MROH9: variants seen among roughly 807,000 people sequenced by gnomAD.
The protein encoded by MROH9 is maestro heat-like repeat-containing protein family member 9.
A neutral mutation model predicts 98.2 loss-of-function variants in MROH9; 92 were observed. The observed-to-expected ratio is 0.94, with a 90% confidence interval of 0.79 to 1.11. MROH9 has a LOEUF of 1.11. Among genes scored for constraint, MROH9 ranks in the 50% most tolerant of loss-of-function variants. MROH9 has a pLI of 0.00. For missense variants in MROH9, 1,057 were observed against 1,014.8 expected, an observed-to-expected ratio of 1.04 and a Z score of -0.57; for synonymous variants, 397 against 368.9, an observed-to-expected ratio of 1.08 and a Z score of -0.87.
chr1:170,943,313 A>G (rs1319700856), intron 1 of MROH9, among the ~76,000 whole-genome samples: 2 of 152,100 alleles, frequency 1.3e-5, no homozygotes, highest in Non-Finnish European at 2.9e-5. Flanking sequence ...CAATGTTGGA[A>G]ACAGTGCAAA....
At chr1:171,012,500 T>A (rs987986353) in intron 15 of MROH9, among the ~76,000 whole-genome samples, 4 of 70,780 alleles carry the variant, frequency 5.7e-5, no homozygotes, top group South Asian at 3.8e-4. Flanking sequence ...AAAACTGTCA[T>A]TTTTTTTTTT....
intron 20 of MROH9, among the ~76,000 whole-genome samples, chr1:171,046,636 AGTT>A (rs1190244379): frequency 4.6e-5 from 7 of 152,132 alleles, no homozygotes; most frequent in South Asian, 2.1e-4. Context: ...GAAAAGTTGT[AGTT>A]ATTATTATTG....
At chr1:171,063,252 ATTTT>A (rs11385110) in intron 21 of MROH9, among the ~76,000 whole-genome samples, 14 of 124,942 alleles carry the variant, frequency 1.1e-4, no homozygotes, top group African/African-American at 3.6e-4. Flanking sequence ...ATTATCCCGG[ATTTT>A]TTTTTTTTTT....
chr1:171,023,703 A>G (rs1652594534), intron 17 of MROH9, among the ~76,000 whole-genome samples: 1 of 152,208 alleles, frequency 6.6e-6, no homozygotes, highest in Non-Finnish European at 1.5e-5. Context: ...AAATGATTAA[A>G]TCAAACAAAA....
At chr1:171,017,344 G>A (rs1247282608) in intron 17 of MROH9, among the ~76,000 whole-genome samples, 1 of 152,224 alleles carries the variant, frequency 6.6e-6, no homozygotes, top group Non-Finnish European at 1.5e-5. Context: ...AGCCACACGG[G>A]CCAGGGGAGC....
At chr1:171,000,027 ATTAC>A (rs1438713922) in intron 15 of MROH9, among the ~76,000 whole-genome samples, 1 of 151,342 alleles carries the variant, frequency 6.6e-6, no homozygotes, top group Non-Finnish European at 1.5e-5. Flanking sequence ...TTTTGATGGG[ATTAC>A]TTGTTTTTTT....
chr1:171,028,762 C>T (rs923285639), intron 20 of MROH9, among the ~76,000 whole-genome samples: 2 of 152,052 alleles, frequency 1.3e-5, no homozygotes, highest in African/African-American at 2.4e-5. Flanking sequence ...TAGCTGTATT[C>T]CTAGATTTTA....
chr1:171,010,879 C>T (rs1652126827), intron 15 of MROH9, among the ~76,000 whole-genome samples: 1 of 152,014 alleles, frequency 6.6e-6, no homozygotes, highest in Non-Finnish European at 1.5e-5. Context: ...AAAAATTTCT[C>T]CCATTCTGTA....
intron 20 of MROH9, among the ~76,000 whole-genome samples, chr1:171,048,842 A>C (rs1307810828): frequency 6.6e-6 from 1 of 152,194 alleles, no homozygotes; most frequent in Non-Finnish European, 1.5e-5. Flanking sequence ...TCAAGGACCA[A>C]GGGCTCTTCA....
chr1:171,044,705 C>T (rs1389626776), intron 20 of MROH9, among the ~76,000 whole-genome samples: 5 of 151,980 alleles, frequency 3.3e-5, no homozygotes, highest in Non-Finnish European at 5.9e-5. Flanking sequence ...TTGCATGTAT[C>T]TAGGAATTTG....
intron 20 of MROH9, among the ~76,000 whole-genome samples, chr1:171,027,149 A>G (rs1484339488): frequency 6.6e-6 from 1 of 151,660 alleles, no homozygotes; most frequent in African/African-American, 2.4e-5. Flanking sequence ...ATAGCTATAC[A>G]TGTGCCATGG....
chr1:170,994,611 C>A (rs895680674), intron 12 of MROH9, among the ~76,000 whole-genome samples: 5 of 151,788 alleles, frequency 3.3e-5, no homozygotes, highest in African/African-American at 1.2e-4. Flanking sequence ...GAATTATAAA[C>A]AATCCAATTA....
chr1:171,003,269 A>T (rs1651843876), intron 15 of MROH9, among the ~76,000 whole-genome samples: 1 of 152,076 alleles, frequency 6.6e-6, no homozygotes, highest in Admixed American at 6.6e-5. Context: ...CTTGGTTTGG[A>T]ATCATTGCTG....
intron 15 of MROH9, among the ~76,000 whole-genome samples, chr1:171,007,416 G>C (rs996535326): frequency 6.6e-6 from 1 of 152,186 alleles, no homozygotes; most frequent in Non-Finnish European, 1.5e-5. Context: ...CTCCTACTGT[G>C]TAAGTAGGTG....
chr1:170,937,330 A>C (rs769512334), intron 1 of MROH9, among the ~76,000 whole-genome samples: 5 of 152,246 alleles, frequency 3.3e-5, no homozygotes, highest in Non-Finnish European at 5.9e-5. Flanking sequence ...TGTAACATTA[A>C]CAATACTTAA....
chr1:171,018,036 C>T (rs1162865630), intron 17 of MROH9, among the ~76,000 whole-genome samples: 2 of 152,138 alleles, frequency 1.3e-5, no homozygotes, highest in Non-Finnish European at 2.9e-5. Context: ...CCCCCTCCAC[C>T]AAGGGACAGC....
At chr1:171,060,831 T>C (rs957204077) in intron 20 of MROH9, among the ~76,000 whole-genome samples, 2 of 152,182 alleles carry the variant, frequency 1.3e-5, no homozygotes, top group African/African-American at 4.8e-5. Context: ...AAACATTTCC[T>C]GAACAGGACC....
chr1:170,988,737 T>C (rs988917471), intron 10 of MROH9, among the ~76,000 whole-genome samples: 6 of 152,192 alleles, frequency 3.9e-5, no homozygotes, highest in Non-Finnish European at 5.9e-5. Flanking sequence ...ATACAGTATA[T>C]GGGCTTATAA....
At chr1:170,986,197 C>T (rs1470560405) in intron 9 of MROH9, among the ~76,000 whole-genome samples, 1 of 152,152 alleles carries the variant, frequency 6.6e-6, no homozygotes, top group Non-Finnish European at 1.5e-5. Flanking sequence ...ATTCCCTTGA[C>T]TTCCTCACTC....
Sources: gnomAD v4.1 joint callset for allele counts (sites outside exome capture counted in the v4.1 genomes callset) on GRCh38, gnomAD v4.1.1 for gene constraint, MANE v1.5 for transcripts, NCBI Gene and HGNC (gene_info 2026-07-23, HGNC 2026-07-21) for gene names.